Variants in UGDH observed in about 807,000 individuals in gnomAD.
UGDH encodes the protein UDP-Glc dehydrogenase.
In UGDH, 38 loss-of-function variants were observed where a neutral mutation model predicts 50.6. The ratio of observed to expected loss-of-function variants is 0.75; its 90% CI spans 0.58 to 0.98. The LOEUF is 0.98. Ranked by LOEUF, UGDH falls within the 50% of genes least tolerant of loss-of-function variation. UGDH has a pLI of 0.00. For synonymous variants in UGDH, 168 were observed against 199.9 expected (o/e 0.84, Z 1.35); for missense variants, 465 against 606.2 (o/e 0.77, Z 2.45).
In UGDH at chr4:39,505,365, G is replaced by T; in HGVS notation, c.1043C>A (p.Ser348Tyr). The stretch of plus-strand genomic sequence containing the variant: ...ATATTTGCTAATATATATACTAGAA[G>T]ATTCTCTATAGGAAAAAAAAAATCA... ...FKKDTGDTRESSSIYISKYLM... is the reference protein window; with the variant it reads ...FKKDTGDTREYSSIYISKYLM... Residue 348 changes from serine to tyrosine, a missense_variant, in exon 9 of 12, where the codon TCT becomes TAT. By Grantham distance (144) the Ser-to-Tyr change is moderately radical (BLOSUM62 -2). Coordinates refer to ENST00000316423, the MANE Select transcript of UGDH (RefSeq NM_003359.4). 6.6e-7 allele frequency: 1 copy of T among 1,526,616 alleles called. No individual in the cohort carries two copies. Among genetic ancestry groups the T allele is most frequent in the Non-Finnish European group, 8.8e-7 (1 of 1,140,566 alleles). The allele number at this position is 1,526,616 out of a possible 1,614,324, so 94.6% of individuals were successfully genotyped here.
chr4:39,520,456 A>G (rs1746601290), intron 2 of UGDH, among the ~76,000 whole-genome samples: 1 of 152,132 alleles, frequency 6.6e-6, no homozygotes, highest in African/African-American at 2.4e-5. Flanking sequence ...TTTCAAAAGC[A>G]TAATATGATG....
intron 2 of UGDH, among the ~76,000 whole-genome samples, chr4:39,520,825 G>A (rs930610162): frequency 2.0e-5 from 3 of 151,864 alleles, no homozygotes; most frequent in African/African-American, 2.4e-5. Context: ...TGTAATCCCA[G>A]CACTTTGGGA....
At chr4:39,503,299 A>G (rs887536461) in intron 11 of UGDH, among the ~76,000 whole-genome samples, 5 of 151,942 alleles carry the variant, frequency 3.3e-5, no homozygotes, top group Admixed American at 3.3e-4. Flanking sequence ...GTCTACCTCC[A>G]CAGCCTCCCA....
intron 6 of UGDH, among the ~76,000 whole-genome samples, chr4:39,509,513 C>T (rs1746147384): frequency 6.6e-6 from 1 of 152,170 alleles, no homozygotes. Flanking sequence ...TGCTCTAGTG[C>T]AATGCAGTAT....
chr4:39,505,740 G>A lies in UGDH; in HGVS notation c.915C>T (p.Asp305=). The A allele has an allele frequency of 6.2e-7, 1 of 1,605,368 alleles. No homozygotes were observed. Among genetic ancestry groups the A allele is most frequent in the Non-Finnish European group, 8.5e-7 (1 of 1,175,352 alleles). Residue 305 remains aspartate (D), a synonymous_variant, in exon 8 of 12, where the codon GAC becomes GAT. Coordinates refer to ENST00000316423, the MANE Select transcript of UGDH (RefSeq NM_003359.4). ...EVARYWQQVI[D]MNDYQRRRFA... is the part of the protein sequence containing the mutation. ...ACCTCCTCCTCTGGTAGTCATTCAT[G>A]TCTATGACCTGAAATTACATGTACA...
At chr4:39,507,437 G>A (rs943657344) in intron 7 of UGDH, among the ~76,000 whole-genome samples, 1 of 152,208 alleles carries the variant, frequency 6.6e-6, no homozygotes, top group Non-Finnish European at 1.5e-5. Context: ...CTAGGCTGGA[G>A]TGCAGTGACA....
chr4:39,509,742 A>T lies in UGDH; in HGVS notation c.811+18T>A, dbSNP rs768823934. 3.1e-6 allele frequency: 5 copies of T among 1,597,916 alleles called. No individual in the cohort carries two copies. The South Asian group carries it at 5.7e-5, about 18-fold the overall frequency. ...AATAAACACTAGCTCTTTCTACTAG[A>T]GAAAAATTTGAATTTACCAACACTG... On this transcript the variant is annotated intron_variant, in intron 6 of 11. Transcript: ENST00000316423.
At chr4:39,514,318 C>G (rs551902914) in intron 2 of UGDH, 134 bp from the exon 3 acceptor site, 1 of 720,538 alleles carries the variant, frequency 1.4e-6, no homozygotes, top group Admixed American at 3.2e-5. Flanking sequence ...CTCAAATTAC[C>G]TTTGTAGACA....
chr4:39,508,792 A>C (rs1746123521), intron 6 of UGDH, 132 bp from the exon 7 acceptor site: 1 of 719,294 alleles, frequency 1.4e-6, no homozygotes, highest in African/African-American at 1.9e-5. Context: ...ATGGATAAAT[A>C]ATGGGCTTAT....
intron 1 of UGDH, chr4:39,526,976 T>C (rs1325003480): frequency 3.1e-6 from 4 of 1,282,222 alleles, no homozygotes; most frequent in Non-Finnish European, 4.1e-6. Flanking sequence ...GGCGTTCGGC[T>C]TTGGAGGCGG....
At chr4:39,500,726 G>A (rs1745771542) in intron 11 of UGDH, among the ~76,000 whole-genome samples, 1 of 146,020 alleles carries the variant, frequency 6.8e-6, no homozygotes, top group Non-Finnish European at 1.5e-5. Context: ...GCCTGATCTT[G>A]GCTCACTGCA....
chr4:39,506,563 G>A (rs541340758), intron 7 of UGDH, among the ~76,000 whole-genome samples: 3 of 152,322 alleles, frequency 2.0e-5, no homozygotes, highest in Non-Finnish European at 4.4e-5. Context: ...AGCTGCCTCT[G>A]GATGAACCAT....
chr4:39,510,849 T>C lies in UGDH; in HGVS notation c.277A>G (p.Thr93Ala). Residue 93 changes from threonine (T) to alanine (A), a missense_variant, in exon 4 of 12, where the codon ACA becomes GCA. Transcript: ENST00000316423. The part of the protein sequence containing the change: ...DLVFISVNTP[T>A]KTYGMGKGRA... The stretch of plus-strand genomic sequence containing the variant: ...CCTTTCCCCATTCCATAGGTTTTTG[T>C]TGGAGTATTCACCTGATGTAAGTAT... 2 of 1,614,164 alleles carry C rather than the reference T, an allele frequency of 1.2e-6. No homozygotes were observed. The highest frequency in any genetic ancestry group is 1.7e-6 in the Non-Finnish European group (2 of 1,180,020).
rs757450293 is a variant in UGDH, at chr4:39,510,821, C to T, written c.305G>A (p.Arg102Gln). The change falls in exon 4 of 12, where the codon CGG (arginine) becomes CAG (glutamine). Residue 102 changes from arginine to glutamine, a missense_variant. Physicochemically the swap from Arg to Gln is conservative, Grantham distance 43. Transcript: ENST00000316423. ...PTKTYGMGKGRAADLKYIEAC... is the reference protein window; with the variant it reads ...PTKTYGMGKGQAADLKYIEAC... ...TTCAATATACTTCAGATCTGCTGCC[C>T]GGCCTTTCCCCATTCCATAGGTTTT... 5 of 1,614,158 alleles carry T rather than the reference C, an allele frequency of 3.1e-6. No individual in the cohort carries two copies. Among genetic ancestry groups the T allele is most frequent in the East Asian group, 2.2e-5 (1 of 44,886 alleles).
At chr4:39,500,653 CTTTTTTTT>C (rs11284301) in intron 11 of UGDH, among the ~76,000 whole-genome samples, 1 of 135,222 alleles carries the variant, frequency 7.4e-6, no homozygotes, top group Non-Finnish European at 1.6e-5. Flanking sequence ...GCATAATTCT[CTTTTTTTT>C]TTTTTTTTTT....
rs758330556 is a variant in UGDH at position 39,505,286 on chromosome 4, T to C, written c.1122A>G (p.Glu374=). 2.5e-6 allele frequency: 4 copies of C among 1,604,898 alleles called. No individual in the cohort carries two copies. The highest frequency in any genetic ancestry group is 2.5e-6 in the Non-Finnish European group (3 of 1,177,350). The part of the protein sequence containing the change: ...LHIYDPKVPR[E]QIVVDLSHPG... Reference sequence around the variant, plus strand: ...GATGAGAAAGATCCACAACTATTTGTTCCCTAGGTACTTTTGGATCATATA... The same window carrying C: ...GATGAGAAAGATCCACAACTATTTGCTCCCTAGGTACTTTTGGATCATATA... Residue 374 remains glutamate, a synonymous_variant, in exon 9 of 12, where the codon GAA becomes GAG. Transcript: ENST00000316423.
Position 39,509,739 on chromosome 4 carries a change from T to C in UGDH, c.811+21A>G, listed in dbSNP as rs6531722. 205,167 of 1,596,706 alleles carry C rather than the reference T, an allele frequency of 0.13. 20,716 individuals carry two copies. The highest frequency in any genetic ancestry group is 0.47 in the African/African-American group (34,373 of 73,740). On this transcript the variant is annotated intron_variant, in intron 6 of 11. Coordinates refer to ENST00000316423, the MANE Select transcript of UGDH (RefSeq NM_003359.4). ...GTAAATAAACACTAGCTCTTTCTAC[T>C]AGAGAAAAATTTGAATTTACCAACA...
intron 2 of UGDH, among the ~76,000 whole-genome samples, chr4:39,517,411 T>C (rs769193567): frequency 2.0e-5 from 3 of 152,114 alleles, no homozygotes; most frequent in Non-Finnish European, 2.9e-5. Context: ...GGTTTCACCA[T>C]GTTGGCCAGG....
chr4:39,505,447 G>T (rs1404803968), intron 8 of UGDH, 77 bp from the exon 9 acceptor site: 3 of 1,284,286 alleles, frequency 2.3e-6, no homozygotes, highest in Non-Finnish European at 3.0e-6. Flanking sequence ...TAAGATACAG[G>T]TAAAATTATA....
Sources: allele counts gnomAD v4.1 joint callset (sites outside exome capture counted in the v4.1 genomes callset), GRCh38; gene constraint gnomAD v4.1.1; transcripts MANE v1.5; gene names NCBI Gene and HGNC (gene_info 2026-07-23, HGNC 2026-07-21).